Variants in NFKB1 observed in about 807,000 individuals in gnomAD.
NFKB1 encodes the protein nuclear factor kappa B subunit 1.
Under a neutral mutation model 105.1 loss-of-function variants are expected in NFKB1, and 9 were observed. The ratio of observed to expected loss-of-function variants is 0.09; its 90% confidence interval spans 0.05 to 0.15. NFKB1 has a LOEUF of 0.15. NFKB1 is among the 10% of genes least tolerant of loss of function. The pLI, the probability that NFKB1 is intolerant of heterozygous loss-of-function variation, is 1.00. For missense variants in NFKB1, 830 were observed against 1,203.7 expected, an observed-to-expected ratio of 0.69 and a Z score of 4.59; for synonymous variants, 440 against 442.2, an observed-to-expected ratio of 1.00 and a Z score of 0.06.
intron 6 of NFKB1, among the ~76,000 whole-genome samples, chr4:102,571,877 C>T (rs1165002434): frequency 1.3e-5 from 2 of 152,206 alleles, no homozygotes; most frequent in East Asian, 1.9e-4. Flanking sequence ...CACTTTTACA[C>T]TGTTGGTGGG....
intron 19 of NFKB1, among the ~76,000 whole-genome samples, chr4:102,608,013 C>A (rs1450559608): frequency 6.6e-6 from 1 of 152,190 alleles, no homozygotes; most frequent in Non-Finnish European, 1.5e-5. Context: ...TTTAGATTGA[C>A]TCCCATGACA....
chr4:102,612,307 A>T, intron 21 of NFKB1, 127 bp from the exon 22 acceptor site: 2 of 1,045,530 alleles, frequency 1.9e-6, no homozygotes, highest in Non-Finnish European at 1.4e-6. Flanking sequence ...CTGGGCTTTG[A>T]CCTTCAAGTA....
intron 1 of NFKB1, among the ~76,000 whole-genome samples, chr4:102,516,341 TA>T (rs1208568940): frequency 6.7e-6 from 1 of 149,282 alleles, no homozygotes; most frequent in East Asian, 1.9e-4. Context: ...TTTTTTTGAA[TA>T]TTTTTTCTGT....
chr4:102,552,178 T>C (rs1335765190), intron 5 of NFKB1, among the ~76,000 whole-genome samples: 1 of 152,140 alleles, frequency 6.6e-6, no homozygotes, highest in African/African-American at 2.4e-5. Flanking sequence ...AGAAACCAAC[T>C]TGAGTGTCTT....
At chr4:102,606,401 A>C in intron 16 of NFKB1, 95 bp from the exon 17 acceptor site, 1 of 1,165,122 alleles carries the variant, frequency 8.6e-7, no homozygotes, top group Non-Finnish European at 1.3e-6. Context: ...TTCCTGCAGT[A>C]TGGCCCCACC....
chr4:102,525,649 A>C (rs1395227810), intron 2 of NFKB1, 92 bp downstream of exon 2: 2 of 1,155,634 alleles, frequency 1.7e-6, no homozygotes, highest in East Asian at 5.2e-5. Context: ...GCATTAGGAA[A>C]ATTCTAAAAT....
chr4:102,580,515 T>G lies in NFKB1; in HGVS notation c.731-20T>G. On this transcript the variant is annotated intron_variant, in intron 8 of 23. Coordinates refer to ENST00000226574, the MANE Select transcript of NFKB1 (RefSeq NM_003998.4). Reference sequence around the variant, plus strand: ...GCTGAGGATTAATCATGTTATTTGTTGTTTTTCCCCTGTGAACAGAAGCCC... The same window carrying G: ...GCTGAGGATTAATCATGTTATTTGTGGTTTTTCCCCTGTGAACAGAAGCCC... 4 of 1,605,070 alleles carry G rather than the reference T, an allele frequency of 2.5e-6. No individual in the cohort carries two copies. Among genetic ancestry groups the G allele is most frequent in the Non-Finnish European group, 3.4e-6 (4 of 1,171,906 alleles).
At chr4:102,564,370 T>C (rs1294813584) in intron 5 of NFKB1, among the ~76,000 whole-genome samples, 1 of 152,232 alleles carries the variant, frequency 6.6e-6, no homozygotes, top group Admixed American at 6.5e-5. Context: ...AGTGTCTTCA[T>C]GTACCATATA....
rs150533168 is a variant in NFKB1, at chr4:102,608,187, A to C, written c.2227+436A>C. Among the ~76,000 whole-genome samples the C allele has an allele frequency of 8.0e-4, 122 of 152,364 alleles. 2 individuals are homozygous for C. Among genetic ancestry groups the C allele is most frequent in the East Asian group, 7.7e-3 (40 of 5,188 alleles). ...TCTTAGAAATTGAAGTGTAGGAAAA[A>C]GAAAATGGGCCATGTATTAAGACCC... On this transcript the variant is annotated intron_variant, in intron 19 of 23. Coordinates refer to ENST00000226574, the MANE Select transcript of NFKB1 (RefSeq NM_003998.4).
At chr4:102,539,137 T>C (rs569485116) in intron 5 of NFKB1, among the ~76,000 whole-genome samples, 1 of 148,454 alleles carries the variant, frequency 6.7e-6, no homozygotes, top group Non-Finnish European at 1.5e-5. Context: ...GTCAGGAGGC[T>C]GAGGCACAAG....
intron 6 of NFKB1, among the ~76,000 whole-genome samples, chr4:102,567,512 C>A (rs1484958830): frequency 1.3e-5 from 2 of 152,208 alleles, no homozygotes; most frequent in East Asian, 3.9e-4. Flanking sequence ...TAGCAGAAAT[C>A]ATCACTTTAT....
chr4:102,544,780 TA>T (rs1328404424), intron 5 of NFKB1, among the ~76,000 whole-genome samples: 1 of 152,204 alleles, frequency 6.6e-6, no homozygotes, highest in Non-Finnish European at 1.5e-5. Flanking sequence ...ATCACACAGA[TA>T]ATAGCTGGGA....
chr4:102,612,679 A>C, intron 22 of NFKB1, 73 bp downstream of exon 22: 1 of 1,380,930 alleles, frequency 7.2e-7, no homozygotes, highest in African/African-American at 1.4e-5. Flanking sequence ...CCAGGGCATA[A>C]TCTCCTTCCC....
At chr4:102,543,661 T>G (rs939590873) in intron 5 of NFKB1, among the ~76,000 whole-genome samples, 4 of 151,852 alleles carry the variant, frequency 2.6e-5, no homozygotes, top group Admixed American at 6.6e-5. Context: ...TCCTAAATGT[T>G]AAGTTTCTGT....
chr4:102,518,976 T>C (rs1740386771), intron 1 of NFKB1, among the ~76,000 whole-genome samples: 1 of 152,096 alleles, frequency 6.6e-6, no homozygotes, highest in Admixed American at 6.6e-5. Context: ...AGTATGTCCG[T>C]AGGTCTGCCA....
chr4:102,539,236 C>CAAAAAAAAAAAAAAA (rs550342036), intron 5 of NFKB1, among the ~76,000 whole-genome samples: 2 of 95,644 alleles, frequency 2.1e-5, no homozygotes, highest in African/African-American at 7.6e-5. Flanking sequence ...GACTCTGTCT[C>CAAAAAAAAAAAAAAA]AAAAAAAAAA....
intron 10 of NFKB1, 89 bp from the exon 11 acceptor site, chr4:102,584,593 G>T: frequency 7.6e-7 from 1 of 1,317,264 alleles, no homozygotes; most frequent in Non-Finnish European, 1.0e-6. Context: ...ATAAAGAAAA[G>T]CATAAGGAAT....
intron 5 of NFKB1, among the ~76,000 whole-genome samples, chr4:102,558,706 A>G (rs1461961607): frequency 6.6e-6 from 1 of 152,086 alleles, no homozygotes; most frequent in Non-Finnish European, 1.5e-5. Context: ...GCTGGAGTGC[A>G]GTGGTGCGAT....
At chr4:102,564,827 C>T (rs1211265810) in intron 5 of NFKB1, among the ~76,000 whole-genome samples, 1 of 152,204 alleles carries the variant, frequency 6.6e-6, no homozygotes, top group Admixed American at 6.5e-5. Flanking sequence ...AGCATTACCT[C>T]ATGCCTTGCT....
Sources: allele counts gnomAD v4.1 joint callset (sites outside exome capture counted in the v4.1 genomes callset), GRCh38; gene constraint gnomAD v4.1.1; transcripts MANE v1.5; gene names NCBI Gene and HGNC (gene_info 2026-07-23, HGNC 2026-07-21).